NDEL1: variants seen among roughly 807,000 people sequenced by gnomAD.
NDEL1 encodes the protein nudE neurodevelopment protein 1 like 1, also known as nuclear distribution protein nudE-like 1.
In NDEL1, 9 loss-of-function variants were observed where a neutral mutation model predicts 45.7. The observed-to-expected ratio is 0.20, with a 90% CI of 0.12 to 0.34. The LOEUF is 0.34. Ranked by LOEUF, NDEL1 falls within the 10% of genes least tolerant of loss-of-function variation. The probability of loss-of-function intolerance (pLI) is 1.00; values close to 1 mark genes in which losing one functional copy is unlikely to be tolerated. For synonymous variants in NDEL1, 133 were observed against 158.6 expected (o/e 0.84, Z 1.21); for missense variants, 306 against 406.2 (o/e 0.75, Z 2.12).
At chr17:8,443,830 G>A (rs1482685430) in intron 1 of NDEL1, 1 of 152,822 alleles carries the variant, frequency 6.5e-6, no homozygotes, top group East Asian at 1.9e-4. Flanking sequence ...AATGTTCCAA[G>A]CAGATGTTTT....
intron 1 of NDEL1, among the ~76,000 whole-genome samples, chr17:8,438,086 G>A (rs903304132): frequency 3.3e-5 from 5 of 152,098 alleles, no homozygotes; most frequent in African/African-American, 1.2e-4. Flanking sequence ...AGCCTCCTGA[G>A]TAGCTGGGAT....
At chr17:8,438,939 CTTT>C (rs374840633) in intron 1 of NDEL1, among the ~76,000 whole-genome samples, 3 of 135,888 alleles carry the variant, frequency 2.2e-5, no homozygotes, top group South Asian at 2.3e-4. Flanking sequence ...TTGCTTTGTT[CTTT>C]TTTTTTTTTT....
chr17:8,422,452 G>T (rs570506269), intron 1 of NDEL1, among the ~76,000 whole-genome samples: 1 of 151,696 alleles, frequency 6.6e-6, no homozygotes, highest in East Asian at 2.0e-4. Context: ...GGGATTACAG[G>T]CACCCGCCAC....
chr17:8,429,613 T>C (rs1014778186), intron 1 of NDEL1, among the ~76,000 whole-genome samples: 6 of 152,166 alleles, frequency 3.9e-5, no homozygotes, highest in African/African-American at 1.4e-4. Context: ...GTCAACAAGA[T>C]AGGCCCATAG....
chr17:8,456,899 C>CT (rs1273926097), intron 7 of NDEL1, among the ~76,000 whole-genome samples: 1 of 152,150 alleles, frequency 6.6e-6, no homozygotes, highest in Non-Finnish European at 1.5e-5. Flanking sequence ...TGTGTGAGCT[C>CT]TCTGTTGGTT....
chr17:8,439,186 C>T (rs190370251), intron 1 of NDEL1, among the ~76,000 whole-genome samples: 10 of 151,092 alleles, frequency 6.6e-5, no homozygotes, highest in Non-Finnish European at 1.0e-4. Context: ...GTGATCCGCC[C>T]GCCTCGGCCT....
intron 1 of NDEL1, among the ~76,000 whole-genome samples, chr17:8,442,989 C>A (rs1197451015): frequency 6.6e-6 from 1 of 151,398 alleles, no homozygotes; most frequent in Non-Finnish European, 1.5e-5. Flanking sequence ...CCGTGTTAGC[C>A]AGGATGGTCT....
rs1356872218 is a variant in NDEL1, at chr17:8,436,028, G to A, written c.-30G>A. Reference sequence around the variant, plus strand: ...GTCGGTTGAGCGGCGGCGAACATGCGCTTTTGACACATTGGAGGTGAGCCT... The same window carrying A: ...GTCGGTTGAGCGGCGGCGAACATGCACTTTTGACACATTGGAGGTGAGCCT... On this transcript the variant is annotated 5_prime_UTR_variant, in exon 1 of 9. Coordinates refer to ENST00000334527, the MANE Select transcript of NDEL1 (RefSeq NM_030808.5). The A allele has an allele frequency of 4.5e-6, 2 of 446,426 alleles. No homozygotes were observed. Among genetic ancestry groups the A allele is most frequent in the Non-Finnish European group, 9.0e-6 (2 of 223,286 alleles). 27.7% of individuals were successfully genotyped at this position (446,426 alleles called of 1,614,324 possible).
At chr17:8,443,577 T>C (rs562727440) in intron 1 of NDEL1, among the ~76,000 whole-genome samples, 6 of 151,956 alleles carry the variant, frequency 3.9e-5, no homozygotes, top group African/African-American at 9.7e-5. Flanking sequence ...TGACGATCAG[T>C]TGGGAGTTGT....
At chr17:8,437,388 A>C in intron 1 of NDEL1, among the ~76,000 whole-genome samples, 1 of 152,320 alleles carries the variant, frequency 6.6e-6, no homozygotes, top group African/African-American at 2.4e-5. Flanking sequence ...TTGGATAAAG[A>C]GCTTAAAATA....
intron 1 of NDEL1, among the ~76,000 whole-genome samples, chr17:8,437,352 A>AT (rs1567726282): frequency 6.6e-6 from 1 of 152,172 alleles, no homozygotes; most frequent in South Asian, 2.1e-4. Context: ...AGTTCTTTTG[A>AT]TTTTTTTAAA....
At chr17:8,417,952 A>T (rs754492165) in intron 1 of NDEL1, among the ~76,000 whole-genome samples, 2 of 152,148 alleles carry the variant, frequency 1.3e-5, no homozygotes, top group Non-Finnish European at 2.9e-5. Context: ...ATGCTTTGTA[A>T]ACACATCATA....
intron 1 of NDEL1, among the ~76,000 whole-genome samples, chr17:8,437,352 AT>A (rs1567726282): frequency 6.6e-6 from 1 of 152,172 alleles, no homozygotes; most frequent in Non-Finnish European, 1.5e-5. Flanking sequence ...AGTTCTTTTG[AT>A]TTTTTTAAAT....
upstream of NDEL1, among the ~76,000 whole-genome samples, chr17:8,434,110 G>T (rs921259171): frequency 1.3e-5 from 2 of 152,216 alleles, no homozygotes; most frequent in Non-Finnish European, 2.9e-5. Flanking sequence ...AATCCTAAAA[G>T]CACTGAAATT....
intron 1 of NDEL1, among the ~76,000 whole-genome samples, chr17:8,422,743 C>T (rs1908733838): frequency 6.6e-6 from 1 of 150,950 alleles, no homozygotes; most frequent in African/African-American, 2.4e-5. Context: ...TTTTCCTTTT[C>T]CTTTTTTTTT....
downstream of NDEL1, among the ~76,000 whole-genome samples, chr17:8,469,832 C>T (rs1275641519): frequency 2.7e-5 from 4 of 150,702 alleles, no homozygotes; most frequent in East Asian, 7.8e-4. Flanking sequence ...GCCTCCTAAG[C>T]AGCTGGCGCC....
chr17:8,415,688 G>A (rs946068639), intron 1 of NDEL1, among the ~76,000 whole-genome samples: 6 of 151,978 alleles, frequency 3.9e-5, no homozygotes, highest in African/African-American at 9.7e-5. Context: ...GTCTCCCAGC[G>A]CTGGGATTAC....
In NDEL1 at chr17:8,467,429, A is replaced by C; in HGVS notation, c.*406A>C. ...AGAAGTTCTCCCCCAAATCAGGTCA[A>C]TGTGTGCCCTCCTGAGCTCCCACCC... On this transcript the variant is annotated 3_prime_UTR_variant, in exon 9 of 9. Coordinates refer to ENST00000334527, the MANE Select transcript of NDEL1 (RefSeq NM_030808.5). The surrounding 1 kb of genome is among the most constrained non-coding windows in gnomAD (Gnocchi z 6.3). 2.5e-6 allele frequency: 1 copy of C among 400,282 alleles called. No homozygotes were observed. Among genetic ancestry groups the C allele is most frequent in the East Asian group, 3.6e-5 (1 of 27,494 alleles). 24.8% of individuals were successfully genotyped at this position (400,282 alleles called of 1,614,324 possible). A position where few individuals can be genotyped will look rare whatever the true frequency, so the allele number is the denominator to read the frequency against.
At chr17:8,454,737 CAAA>C (rs1396864661) in intron 6 of NDEL1, 56 bp from the exon 7 acceptor site, 8 of 1,361,122 alleles carry the variant, frequency 5.9e-6, no homozygotes, top group Non-Finnish European at 8.3e-6. Flanking sequence ...ACATCAACAA[CAAA>C]ACCCAAATGT....
Sources: allele counts gnomAD v4.1 joint callset (sites outside exome capture counted in the v4.1 genomes callset), GRCh38; gene constraint gnomAD v4.1.1; non-coding constraint Gnocchi (gnomAD v3.1); transcripts MANE v1.5; gene names NCBI Gene and HGNC (gene_info 2026-07-23, HGNC 2026-07-21).